Variants in TAFA5 observed in about 807,000 individuals in gnomAD.
TAFA5 encodes TAFA chemokine like family member 5.
In TAFA5, 6 loss-of-function variants were observed where a neutral mutation model predicts 15.3. The observed-to-expected ratio is 0.39, with a 90% CI of 0.21 to 0.77. The LOEUF (loss-of-function observed/expected upper bound fraction) is 0.77. TAFA5 is among the 30% of genes least tolerant of loss of function. TAFA5 has a pLI of 0.41. For missense variants in TAFA5, 161 were observed against 193.1 expected, an observed-to-expected ratio of 0.83 and a Z score of 0.98; for synonymous variants, 103 against 80.7, an observed-to-expected ratio of 1.28 and a Z score of -1.48.
At chr22:48,582,388 T>TACCACACACAAAATAC (rs1338434245) in intron 1 of TAFA5, among the ~76,000 whole-genome samples, 1 of 100,886 alleles carries the variant, frequency 9.9e-6, no homozygotes, top group Admixed American at 9.4e-5. Flanking sequence ...ATACACCACA[T>TACCACACACAAAATAC]ACCACACACA....
intron 2 of TAFA5, among the ~76,000 whole-genome samples, chr22:48,648,152 C>T (rs550892629): frequency 5.9e-5 from 9 of 152,254 alleles, no homozygotes; most frequent in East Asian, 3.9e-4. Flanking sequence ...TCAGGCCTGG[C>T]GCAGTGCTCA....
At chr22:48,600,320 G>A (rs576625735) in intron 1 of TAFA5, among the ~76,000 whole-genome samples, 1 of 152,326 alleles carries the variant, frequency 6.6e-6, no homozygotes, top group South Asian at 2.1e-4. Flanking sequence ...CGTGAGGGAT[G>A]CAGGGACACA....
At chr22:48,730,050 C>G (rs1324951832) in intron 3 of TAFA5, among the ~76,000 whole-genome samples, 1 of 152,064 alleles carries the variant, frequency 6.6e-6, no homozygotes, top group African/African-American at 2.4e-5. Flanking sequence ...TTGCTCACAC[C>G]TACATAAAAT....
intron 3 of TAFA5, among the ~76,000 whole-genome samples, chr22:48,716,219 A>G (rs1929396752): frequency 6.6e-6 from 1 of 152,202 alleles, no homozygotes; most frequent in African/African-American, 2.4e-5. Flanking sequence ...GGATCCACAC[A>G]TATGTATATT....
At chr22:48,645,793 C>T (rs1056286949) in intron 1 of TAFA5, among the ~76,000 whole-genome samples, 3 of 152,096 alleles carry the variant, frequency 2.0e-5, no homozygotes, top group African/African-American at 7.2e-5. Flanking sequence ...AGCATGTCCT[C>T]ATGTGCTGCT....
intron 2 of TAFA5, among the ~76,000 whole-genome samples, chr22:48,698,501 G>A (rs1928799512): frequency 6.6e-6 from 1 of 151,614 alleles, no homozygotes; most frequent in South Asian, 2.1e-4. Context: ...AGCTGACTGA[G>A]CTGAGCTGGG....
At chr22:48,669,892 A>G (rs73175134) in intron 2 of TAFA5, among the ~76,000 whole-genome samples, 10,646 of 152,306 alleles carry the variant, frequency 0.07, 664 homozygotes, top group African/African-American at 0.16. Flanking sequence ...CACCAGCCCT[A>G]AGGCTGTGCT....
rs754818175 is a variant in TAFA5 at position 48,707,802 on chromosome 22, C to T, written c.348C>T (p.Gly116=). The T allele has an allele frequency of 3.1e-6, 5 of 1,613,866 alleles. No homozygotes were observed. Among genetic ancestry groups the T allele is most frequent in the Admixed American group, 3.3e-5 (2 of 60,028 alleles). The change falls in exon 3 of 4, where the codon GGC becomes GGT. Residue 116 remains glycine (G), a synonymous_variant. Transcript: ENST00000402357. Reference sequence around the variant, plus strand: ...GCGACTTGTTAATCAACCGGTCAGGCTGGACGTGCACGCAGCCCGGCGGGA... The same window carrying T: ...GCGACTTGTTAATCAACCGGTCAGGTTGGACGTGCACGCAGCCCGGCGGGA... ...EGCDLLINRS[G]WTCTQPGGRI...
intron 2 of TAFA5, among the ~76,000 whole-genome samples, chr22:48,673,263 G>T (rs1351366579): frequency 5.9e-5 from 9 of 151,800 alleles, no homozygotes. Flanking sequence ...CATCCTTGTG[G>T]ATCTCTGCAG....
At chr22:48,601,740 T>C (rs1303156470) in intron 1 of TAFA5, among the ~76,000 whole-genome samples, 2 of 152,224 alleles carry the variant, frequency 1.3e-5, no homozygotes, top group African/African-American at 4.8e-5. Flanking sequence ...TCCAGGTATG[T>C]GTGTTCTGCC....
chr22:48,573,077 G>A lies in TAFA5; in HGVS notation c.113-73520G>A, dbSNP rs543569538. On this transcript the variant is annotated intron_variant, in intron 1 of 3. Transcript: ENST00000402357. ...CCCCCTCTGTGGACAGCTTTCCTCT[G>A]GCCCTGGTCTGAGCTACACTAGCCT... Among the ~76,000 whole-genome samples, 4 of 152,324 alleles carry A rather than the reference G, an allele frequency of 2.6e-5. No homozygotes were observed. The East Asian group carries it at 5.8e-4, about 22-fold the overall frequency.
intron 1 of TAFA5, among the ~76,000 whole-genome samples, chr22:48,555,551 A>C (rs1051341859): frequency 1.3e-5 from 2 of 152,128 alleles, no homozygotes; most frequent in Non-Finnish European, 2.9e-5. Flanking sequence ...AGAGGGAGAG[A>C]GGGAGACAAG....
At chr22:48,719,451 G>A (rs559329035) in intron 3 of TAFA5, among the ~76,000 whole-genome samples, 2 of 152,328 alleles carry the variant, frequency 1.3e-5, no homozygotes, top group South Asian at 2.1e-4. Flanking sequence ...AGGTGGCTGC[G>A]ATGGCCAGGG....
intron 2 of TAFA5, among the ~76,000 whole-genome samples, chr22:48,678,261 T>C (rs1240059937): frequency 6.6e-6 from 1 of 152,162 alleles, no homozygotes; most frequent in Non-Finnish European, 1.5e-5. Flanking sequence ...AGGGGCTCTC[T>C]CCCGCCGGCT....
chr22:48,526,189 C>T (rs988919217), intron 1 of TAFA5, among the ~76,000 whole-genome samples: 1 of 152,208 alleles, frequency 6.6e-6, no homozygotes, highest in African/African-American at 2.4e-5. Flanking sequence ...GCTGGGACTC[C>T]GGTCTGGCCT....
intron 1 of TAFA5, among the ~76,000 whole-genome samples, chr22:48,586,009 G>T (rs1924345236): frequency 6.6e-6 from 1 of 152,242 alleles, no homozygotes; most frequent in Non-Finnish European, 1.5e-5. Context: ...TGGAGGAAGG[G>T]AGAGGAGGGT....
In TAFA5 at chr22:48,734,361, G is replaced by C. The variant is rs144031106; in HGVS notation, c.391-15478G>C. 5.5e-3 allele frequency among the ~76,000 whole-genome samples: 841 copies of C among 152,324 alleles called. 7 individuals carry two copies. Among genetic ancestry groups the C allele is most frequent in the Admixed American group, 0.026 (405 of 15,298 alleles). ...TTAATCTTTACATTTAGTAAGATTT[G>C]AATCCAGTTTCCCATGGGTTTTCAG... On this transcript the variant is annotated intron_variant, in intron 3 of 3. Transcript: ENST00000402357.
rs1017478839 is a variant in TAFA5, at chr22:48,566,626, T to C, written c.112+76922T>C. ...AGCCCAACCTCTCCTTCTGCTGCCA[T>C]AGGCAGGTTGCTGAGCTGCCTCAGC... On this transcript the variant is annotated intron_variant, in intron 1 of 3. Coordinates refer to ENST00000402357, the MANE Select transcript of TAFA5 (RefSeq NM_001082967.3). The surrounding 1 kb of genome is among the most constrained non-coding windows in gnomAD (Gnocchi z 4.5). 6.6e-6 allele frequency among the ~76,000 whole-genome samples: 1 copy of C among 152,288 alleles called. No homozygotes were observed. Among genetic ancestry groups the C allele is most frequent in the East Asian group, 1.9e-4 (1 of 5,184 alleles).
chr22:48,505,044 T>C (rs1920980545), intron 1 of TAFA5, among the ~76,000 whole-genome samples: 1 of 152,204 alleles, frequency 6.6e-6, no homozygotes, highest in Non-Finnish European at 1.5e-5. Context: ...AGTAGGTCAG[T>C]GTCTCCAGGC....
Sources: allele counts gnomAD v4.1 joint callset (sites outside exome capture counted in the v4.1 genomes callset), GRCh38; gene constraint gnomAD v4.1.1; non-coding constraint Gnocchi (gnomAD v3.1); transcripts MANE v1.5; gene names NCBI Gene and HGNC (gene_info 2026-07-23, HGNC 2026-07-21).